Variants in ZNF292 observed in about 807,000 individuals in gnomAD.
ZNF292 encodes the protein 16 zinc-finger domain protein.
ZNF292 carries 26 observed loss-of-function variants against 217.9 expected under a neutral mutation model. The ratio of observed to expected loss-of-function variants is 0.12; its 90% CI spans 0.09 to 0.17. The LOEUF (loss-of-function observed/expected upper bound fraction) is 0.17. Ranked by LOEUF, ZNF292 falls within the 10% of genes least tolerant of loss-of-function variation. The pLI is 1.00. For missense variants in ZNF292, 2,904 were observed against 3,175.2 expected (o/e 0.91, Z 2.05); for synonymous variants, 1,257 against 1,124.1 (o/e 1.12, Z -2.37).
chr6:87,242,895 G>A (rs1351491516), intron 5 of ZNF292, among the ~76,000 whole-genome samples: 4 of 152,156 alleles, frequency 2.6e-5, no homozygotes, highest in African/African-American at 2.4e-5. Flanking sequence ...TTGAGATGGA[G>A]TAAATTTATA....
chr6:87,207,635 G>A (rs1772301882), intron 1 of ZNF292, among the ~76,000 whole-genome samples: 1 of 152,164 alleles, frequency 6.6e-6, no homozygotes, highest in South Asian at 2.1e-4. Context: ...TGTGAAGAAT[G>A]TGCATTTTCT....
chr6:87,251,299 A>C (rs541731196), intron 7 of ZNF292, among the ~76,000 whole-genome samples: 1 of 152,352 alleles, frequency 6.6e-6, no homozygotes, highest in East Asian at 1.9e-4. Context: ...GTTTTAAAAC[A>C]GGGTAAAGCA....
chr6:87,209,482 A>G (rs1772392783), intron 1 of ZNF292, among the ~76,000 whole-genome samples: 1 of 152,208 alleles, frequency 6.6e-6, no homozygotes, highest in African/African-American at 2.4e-5. Flanking sequence ...TTTCACATTC[A>G]TCAAAGGCTC....
intron 1 of ZNF292, among the ~76,000 whole-genome samples, chr6:87,185,707 G>T (rs774745119): frequency 6.6e-6 from 1 of 152,178 alleles, no homozygotes; most frequent in Non-Finnish European, 1.5e-5. Context: ...GAGCTCAAGC[G>T]ATCTACCCAC....
intron 1 of ZNF292, 127 bp from the exon 2 acceptor site, chr6:87,215,775 TA>T: frequency 1.5e-6 from 1 of 647,930 alleles, no homozygotes; most frequent in Non-Finnish European, 2.4e-6. Flanking sequence ...TTAATCAATA[TA>T]AACTACTTTT....
chr6:87,215,769 T>A (rs1772720710), intron 1 of ZNF292, 134 bp from the exon 2 acceptor site: 1 of 588,908 alleles, frequency 1.7e-6, no homozygotes, highest in Admixed American at 3.7e-5. Context: ...AATATTTTAA[T>A]CAATATAAAC....
In ZNF292 at chr6:87,243,288, T is replaced by TTTTTTG. The variant is rs1562169515; in HGVS notation, c.742-182_742-181insGTTTTT. Among the ~76,000 whole-genome samples the TTTTTTG allele has an allele frequency of 3.6e-3, 542 of 151,872 alleles. 2 individuals carry two copies. The highest frequency in any genetic ancestry group is 0.013 in the African/African-American group (522 of 41,446). On this transcript the variant is annotated intron_variant, in intron 5 of 7. Coordinates refer to ENST00000369577, the MANE Select transcript of ZNF292 (RefSeq NM_015021.3). ...ACTGGCTATAAAGAAAGGTTTTTTT[T>TTTTTTG]TTTTTTTTTAACTGCAGCCAGTCTT...
intron 1 of ZNF292, among the ~76,000 whole-genome samples, chr6:87,164,778 T>C (rs1272178505): frequency 1.3e-5 from 2 of 149,628 alleles, no homozygotes; most frequent in Admixed American, 1.3e-4. Flanking sequence ...TTTTTTTTTT[T>C]TTGATATGGA....
chr6:87,251,885 T>A (rs1297893447), intron 7 of ZNF292, among the ~76,000 whole-genome samples: 1 of 152,208 alleles, frequency 6.6e-6, no homozygotes, highest in African/African-American at 2.4e-5. Context: ...TTATTGAGGC[T>A]CCTCACCCTT....
chr6:87,208,650 AT>A (rs1271737033), intron 1 of ZNF292, among the ~76,000 whole-genome samples: 1 of 152,060 alleles, frequency 6.6e-6, no homozygotes, highest in East Asian at 1.9e-4. Flanking sequence ...CTTTTTAAAA[AT>A]GTCTACTGGT....
rs746021538 is a variant in ZNF292, at chr6:87,260,912, A to G, written c.7283A>G (p.Lys2428Arg). ...SQHRNLLIVFKRCCNSQVKET... is the reference protein window; with the variant it reads ...SQHRNLLIVFRRCCNSQVKET... ...CACCGAAATCTTCTTATTGTATTCA[A>G]ACGGTGTTGCAACTCACAAGTAAAG... Residue 2428 changes from lysine to arginine, a missense_variant, in exon 8 of 8, where the codon AAA becomes AGA. Physicochemically the swap from Lys to Arg is conservative, Grantham distance 26. Coordinates refer to ENST00000369577, the MANE Select transcript of ZNF292 (RefSeq NM_015021.3). 3 of 1,611,010 alleles carry G rather than the reference A, an allele frequency of 1.9e-6. No homozygotes were observed. Among genetic ancestry groups the G allele is most frequent in the South Asian group, 1.1e-5 (1 of 90,592 alleles).
chr6:87,164,757 G>A (rs1383750982), intron 1 of ZNF292, among the ~76,000 whole-genome samples: 3 of 131,138 alleles, frequency 2.3e-5, no homozygotes, highest in Non-Finnish European at 4.6e-5. Flanking sequence ...TTTGTGGAAT[G>A]ACCTCTTTTT....
At chr6:87,160,716 A>G (rs140454270) in intron 1 of ZNF292, among the ~76,000 whole-genome samples, 8 of 152,042 alleles carry the variant, frequency 5.3e-5, no homozygotes, top group Admixed American at 4.6e-4. Flanking sequence ...CTTAGTTCAT[A>G]TAAGCAGGGC....
chr6:87,171,378 T>C (rs564263895), intron 1 of ZNF292, among the ~76,000 whole-genome samples: 1 of 151,952 alleles, frequency 6.6e-6, no homozygotes, highest in South Asian at 2.1e-4. Flanking sequence ...GACTTCAGGG[T>C]TGTGGTTTTT....
In ZNF292 at chr6:87,257,984, C is replaced by T. The variant is rs1775328968; in HGVS notation, c.4355C>T (p.Ser1452Leu). 1 of 1,613,938 alleles carries T rather than the reference C, an allele frequency of 6.2e-7. No homozygotes were observed. Among genetic ancestry groups the T allele is most frequent in the Non-Finnish European group, 8.5e-7 (1 of 1,179,824 alleles). The stretch of plus-strand genomic sequence containing the variant: ...CCAGAAGCATGTTTTAAAGATCCAT[C>T]ATTTCTACAGCTTCTTGCTGAAAAT... Reference protein sequence around the residue: ...FNPEACFKDPSFLQLLAENRS... With the variant: ...FNPEACFKDPLFLQLLAENRS... The change falls in exon 8 of 8, where the codon TCA becomes TTA. Residue 1452 changes from serine (S) to leucine (L), a missense_variant. Around this residue, in one of 15 missense-constraint regions of ZNF292, gnomAD observed 622 missense variants for 573.1 expected, o/e 1.09. Coordinates refer to ENST00000369577, the MANE Select transcript of ZNF292 (RefSeq NM_015021.3).
At chr6:87,201,533 TGG>T (rs1357153189) in intron 1 of ZNF292, among the ~76,000 whole-genome samples, 2 of 152,122 alleles carry the variant, frequency 1.3e-5, no homozygotes, top group Non-Finnish European at 2.9e-5. Context: ...GCTTCCCGAG[TGG>T]CTGGGATTAC....
In ZNF292 at chr6:87,221,695, GTCT is replaced by G. The variant is rs539924515; in HGVS notation, c.538+2969_538+2971del. Reference sequence around the variant, plus strand: ...ATAGCAGGTGTACATATTTATGGAAGTCTTCTTTTGTAGACTAAAAACCTTGAT... The same window carrying G: ...ATAGCAGGTGTACATATTTATGGAAGTCTTTTGTAGACTAAAAACCTTGAT... On this transcript the variant is annotated intron_variant, in intron 4 of 7. Coordinates refer to ENST00000369577, the MANE Select transcript of ZNF292 (RefSeq NM_015021.3). Among the ~76,000 whole-genome samples the G allele has an allele frequency of 2.5e-3, 376 of 152,150 alleles. 1 individual carries two copies. Among genetic ancestry groups the G allele is most frequent in the Non-Finnish European group, 4.5e-3 (303 of 67,954 alleles).
At chr6:87,171,915 T>G (rs917132490) in intron 1 of ZNF292, among the ~76,000 whole-genome samples, 1 of 152,222 alleles carries the variant, frequency 6.6e-6, no homozygotes, top group Non-Finnish European at 1.5e-5. Context: ...CGGAACATAC[T>G]TATTATTGAA....
Position 87,217,290 on chromosome 6 carries a change from G to A in ZNF292, c.402+913G>A, listed in dbSNP as rs186497923. On this transcript the variant is annotated intron_variant, in intron 3 of 7. Transcript: ENST00000369577. Reference sequence around the variant, plus strand: ...ATTAAAATCTACATCAAGTGCAACAGGCCCTTGAAGGTGGAATTCATATCT... The same window carrying A: ...ATTAAAATCTACATCAAGTGCAACAAGCCCTTGAAGGTGGAATTCATATCT... 1.6e-4 allele frequency among the ~76,000 whole-genome samples: 25 copies of A among 152,140 alleles called. No homozygotes were observed. In the East Asian group the frequency reaches 3.7e-3, roughly 22 times the overall value.
Sources: allele counts gnomAD v4.1 joint callset (sites outside exome capture counted in the v4.1 genomes callset), GRCh38; gene constraint gnomAD v4.1.1; regional missense constraint gnomAD v4.1.1; transcripts MANE v1.5; gene names NCBI Gene and HGNC (gene_info 2026-07-23, HGNC 2026-07-21).